Variants in SPHKAP observed in about 807,000 individuals in gnomAD.
The protein encoded by SPHKAP is SPHK1 interactor, AKAP domain containing.
In SPHKAP, 67 loss-of-function variants were observed where a neutral mutation model predicts 137.5. The observed-to-expected ratio is 0.49, with a 90% CI of 0.40 to 0.60. The LOEUF (loss-of-function observed/expected upper bound fraction) is 0.60, where lower values mean the gene tolerates loss of function less well. SPHKAP is among the 20% of genes least tolerant of loss of function. The pLI, the probability that SPHKAP is intolerant of heterozygous loss-of-function variation, is 0.00. For missense variants in SPHKAP, 2,097 were observed against 2,069.3 expected, an observed-to-expected ratio of 1.01 and a Z score of -0.26; for synonymous variants, 813 against 785.3, an observed-to-expected ratio of 1.04 and a Z score of -0.59.
chr2:228,004,170 G>C (rs1346540066), intron 7 of SPHKAP, among the ~76,000 whole-genome samples: 1 of 152,100 alleles, frequency 6.6e-6, no homozygotes, highest in Non-Finnish European at 1.5e-5. Flanking sequence ...GGTAGAATTC[G>C]GCTGTGAATC....
At chr2:228,005,616 C>T (rs542976726) in intron 7 of SPHKAP, among the ~76,000 whole-genome samples, 40 of 152,236 alleles carry the variant, frequency 2.6e-4, no homozygotes, top group African/African-American at 9.1e-4. Context: ...TTGTTTTGCT[C>T]GTTAGTTGAT....
At chr2:228,000,187 T>C (rs1693795197) in intron 7 of SPHKAP, among the ~76,000 whole-genome samples, 1 of 152,212 alleles carries the variant, frequency 6.6e-6, no homozygotes. Flanking sequence ...GTCTTAAGAT[T>C]GGCAACGTTT....
At chr2:228,152,939 T>C (rs1699979899) in intron 1 of SPHKAP, among the ~76,000 whole-genome samples, 1 of 152,146 alleles carries the variant, frequency 6.6e-6, no homozygotes, top group Non-Finnish European at 1.5e-5. Flanking sequence ...CAGTGGAAGA[T>C]AATTGAATCA....
chr2:228,151,747 T>C (rs1056950425), intron 1 of SPHKAP, among the ~76,000 whole-genome samples: 5 of 152,124 alleles, frequency 3.3e-5, no homozygotes, highest in African/African-American at 1.2e-4. Flanking sequence ...TAATTTCAGG[T>C]CTTATTATCA....
chr2:228,108,468 A>G (rs1698411657), intron 3 of SPHKAP, among the ~76,000 whole-genome samples: 1 of 152,200 alleles, frequency 6.6e-6, no homozygotes, highest in African/African-American at 2.4e-5. Flanking sequence ...CACTTTTCAT[A>G]TTAGAAAATA....
intron 2 of SPHKAP, among the ~76,000 whole-genome samples, chr2:228,123,807 G>A (rs1698988646): frequency 6.6e-6 from 1 of 152,068 alleles, no homozygotes; most frequent in Non-Finnish European, 1.5e-5. Flanking sequence ...AAGTCCTAAT[G>A]GGAGAAAATT....
intron 3 of SPHKAP, among the ~76,000 whole-genome samples, chr2:228,100,266 A>G (rs983350338): frequency 3.3e-5 from 5 of 152,232 alleles, no homozygotes; most frequent in Admixed American, 2.0e-4. Context: ...GTATAGAATC[A>G]TATCATCAGT....
In SPHKAP at chr2:228,001,456, AATATATACGTATATATAAAAAT is replaced by A. The variant is rs1283868908; in HGVS notation, c.4449-5784_4449-5763del. ...ATAAATATATATATGTATATATACGAATATATACGTATATATAAAAATATATATACGTATATATAAGTATATA... is the reference window on the plus strand; with the variant it reads ...ATAAATATATATATGTATATATACGAATATATACGTATATATAAGTATATA... On this transcript the variant is annotated intron_variant, in intron 7 of 11. Transcript: ENST00000392056. 3.5e-4 allele frequency among the ~76,000 whole-genome samples: 50 copies of A among 142,712 alleles called. 2 individuals are homozygous for A. The East Asian group carries it at 9.3e-3, about 26-fold the overall frequency. The allele number at this position is 142,712 out of a possible 152,430, so 93.6% of individuals were successfully genotyped here.
At chr2:228,062,705 C>T (rs12995286) in intron 3 of SPHKAP, among the ~76,000 whole-genome samples, 7,003 of 151,960 alleles carry the variant, frequency 0.046, 245 homozygotes, top group Non-Finnish European at 0.059. Context: ...ATTGAATATG[C>T]AAACTATGTC....
Position 228,064,685 on chromosome 2 carries a change from A to T in SPHKAP, c.247-37142T>A, listed in dbSNP as rs561857484. On this transcript the variant is annotated intron_variant, in intron 3 of 11. Coordinates refer to ENST00000392056, the MANE Select transcript of SPHKAP (RefSeq NM_001142644.2). ...TCTTGATGGGAAAGAGTATTTCAGG[A>T]AGAGAGGAGAGGCTAATGCAGGACT... 4.6e-5 allele frequency among the ~76,000 whole-genome samples: 7 copies of T among 152,274 alleles called. No individual in the cohort carries two copies. In the East Asian group the frequency reaches 1.2e-3, roughly 25 times the overall value.
chr2:228,147,865 C>T (rs1309204002), intron 1 of SPHKAP, among the ~76,000 whole-genome samples: 1 of 152,196 alleles, frequency 6.6e-6, no homozygotes, highest in Non-Finnish European at 1.5e-5. Flanking sequence ...GAGACTGAGA[C>T]TCAGGCTTAG....
intron 3 of SPHKAP, among the ~76,000 whole-genome samples, chr2:228,051,830 G>A (rs1382971640): frequency 6.6e-6 from 1 of 152,188 alleles, no homozygotes; most frequent in Non-Finnish European, 1.5e-5. Flanking sequence ...CCTCATAAAT[G>A]CCTTCTTGCT....
chr2:228,156,571 A>C (rs1300191808), intron 1 of SPHKAP, among the ~76,000 whole-genome samples: 1 of 152,238 alleles, frequency 6.6e-6, no homozygotes, highest in Non-Finnish European at 1.5e-5. Context: ...AAAACCAAGT[A>C]GAAATCTGTG....
At chr2:228,103,774 G>A (rs1305686837) in intron 3 of SPHKAP, among the ~76,000 whole-genome samples, 1 of 152,108 alleles carries the variant, frequency 6.6e-6, no homozygotes, top group Non-Finnish European at 1.5e-5. Context: ...TGTTAAATAA[G>A]TATTTAAAGA....
At chr2:228,036,529 C>T (rs1447188390) in intron 3 of SPHKAP, among the ~76,000 whole-genome samples, 2 of 152,184 alleles carry the variant, frequency 1.3e-5, no homozygotes, top group Non-Finnish European at 2.9e-5. Context: ...CATCCCATTA[C>T]TGGGTATATA....
At chr2:228,060,399 T>A (rs1389707658) in intron 3 of SPHKAP, among the ~76,000 whole-genome samples, 3 of 152,192 alleles carry the variant, frequency 2.0e-5, no homozygotes, top group Non-Finnish European at 4.4e-5. Flanking sequence ...GGGTTCTTTT[T>A]CCCATAATTG....
intron 6 of SPHKAP, among the ~76,000 whole-genome samples, chr2:228,021,240 C>T (rs960488897): frequency 2.6e-5 from 4 of 152,170 alleles, no homozygotes; most frequent in East Asian, 1.9e-4. Flanking sequence ...TAGGCATGAT[C>T]GTACTCCCAA....
chr2:228,002,433 ATTTG>A (rs1228480082), intron 7 of SPHKAP, among the ~76,000 whole-genome samples: 1 of 151,904 alleles, frequency 6.6e-6, no homozygotes, highest in African/African-American at 2.4e-5. Context: ...TTTCCTGTAA[ATTTG>A]TTTGTGTTCT....
intron 11 of SPHKAP, among the ~76,000 whole-genome samples, chr2:227,985,946 T>C (rs1402580973): frequency 6.6e-6 from 1 of 152,206 alleles, no homozygotes; most frequent in Non-Finnish European, 1.5e-5. Context: ...AATTAAGGCC[T>C]GTAGAGCTAT....
Sources: allele counts gnomAD v4.1 joint callset (sites outside exome capture counted in the v4.1 genomes callset), GRCh38; gene constraint gnomAD v4.1.1; transcripts MANE v1.5; gene names NCBI Gene and HGNC (gene_info 2026-07-23, HGNC 2026-07-21).